GFRA2: variants seen among roughly 807,000 people sequenced by gnomAD.
GFRA2 encodes GDNF family receptor alpha 2.
A neutral mutation model predicts 48.3 loss-of-function variants in GFRA2; 17 were observed. That is an observed-to-expected ratio of 0.35 (90% confidence interval 0.24 to 0.53). The LOEUF (loss-of-function observed/expected upper bound fraction) is 0.53. GFRA2 is among the 20% of genes least tolerant of loss of function. GFRA2 has a pLI of 0.93. For missense variants in GFRA2, 660 were observed against 637.3 expected (o/e 1.04, Z -0.38); for synonymous variants, 305 against 257.2 (o/e 1.19, Z -1.78).
chr8:21,782,425 G>A (rs1209304394), intron 2 of GFRA2, among the ~76,000 whole-genome samples, 160 bp downstream of exon 2: 3 of 151,782 alleles, frequency 2.0e-5, no homozygotes, highest in Non-Finnish European at 4.4e-5. Context: ...TAGGTGGGGC[G>A]GCGACTTCTC....
intron 2 of GFRA2, 138 bp from the exon 3 acceptor site, chr8:21,775,193 C>T (rs1806635462): frequency 6.4e-6 from 4 of 625,128 alleles, no homozygotes; most frequent in East Asian, 2.6e-5. Flanking sequence ...GGCAGCCCTT[C>T]CCAAAGTGAA....
intron 3 of GFRA2, among the ~76,000 whole-genome samples, chr8:21,760,092 C>G (rs898124958): frequency 1.1e-4 from 17 of 152,042 alleles, no homozygotes; most frequent in African/African-American, 3.9e-4. Context: ...CGTTCCTAAT[C>G]AAAAGGAAGG....
intron 7 of GFRA2, among the ~76,000 whole-genome samples, chr8:21,701,576 G>A (rs1396850274): frequency 6.6e-6 from 1 of 152,122 alleles, no homozygotes; most frequent in East Asian, 1.9e-4. Context: ...GACTTAGTCT[G>A]TAGGCCTCCA....
intron 4 of GFRA2, among the ~76,000 whole-genome samples, chr8:21,708,515 C>CA (rs1184506116): frequency 6.6e-6 from 1 of 152,000 alleles, no homozygotes; most frequent in East Asian, 1.9e-4. Context: ...ACGTCCCCCA[C>CA]AAAAAAAGTT....
chr8:21,708,455 T>G lies in GFRA2; in HGVS notation c.795-2414A>C, dbSNP rs77759041. 4.2e-3 allele frequency among the ~76,000 whole-genome samples: 642 copies of G among 152,274 alleles called. 3 individuals carry two copies. Among genetic ancestry groups the G allele is most frequent in the African/African-American group, 0.015 (612 of 41,552 alleles). Reference sequence around the variant, plus strand: ...AGGTGGCTTGAGAGGGGACAGAGACTCTTAACAGGTAGATGGGATTTAGAG... The same window carrying G: ...AGGTGGCTTGAGAGGGGACAGAGACGCTTAACAGGTAGATGGGATTTAGAG... On this transcript the variant is annotated intron_variant, in intron 4 of 8. Transcript: ENST00000524240.
chr8:21,793,696 C>T (rs973587151), upstream of GFRA2, among the ~76,000 whole-genome samples: 2 of 152,084 alleles, frequency 1.3e-5, no homozygotes, highest in Non-Finnish European at 2.9e-5. Context: ...CAAACTCGGG[C>T]AGTCAGGATC....
At chr8:21,811,888 T>C (rs1014850166) in intron 1 of GFRA2, among the ~76,000 whole-genome samples, 3 of 152,198 alleles carry the variant, frequency 2.0e-5, no homozygotes, top group African/African-American at 7.2e-5. Context: ...TGAGTTACAA[T>C]TTACATAACT....
intron 4 of GFRA2, among the ~76,000 whole-genome samples, chr8:21,732,875 G>A (rs906720301): frequency 2.6e-5 from 4 of 152,194 alleles, no homozygotes; most frequent in Non-Finnish European, 5.9e-5. Context: ...CACTTCCAAG[G>A]CAGGGGAACC....
intron 4 of GFRA2, among the ~76,000 whole-genome samples, chr8:21,744,562 C>CACACAT (rs1245723329): frequency 6.1e-5 from 8 of 132,098 alleles, no homozygotes; most frequent in African/African-American, 2.1e-4. Flanking sequence ...CACACACACA[C>CACACAT]ACACACACAC....
intron 4 of GFRA2, among the ~76,000 whole-genome samples, chr8:21,736,347 G>A (rs932674063): frequency 5.9e-5 from 9 of 152,328 alleles, no homozygotes; most frequent in Admixed American, 4.6e-4. Context: ...CACATACTGT[G>A]TGACATCATT....
intron 7 of GFRA2, among the ~76,000 whole-genome samples, chr8:21,698,216 T>C (rs1369141177): frequency 6.6e-6 from 1 of 152,142 alleles, no homozygotes; most frequent in Admixed American, 6.5e-5. Flanking sequence ...TCCTCCACCA[T>C]GGAGGCAGCA....
intron 7 of GFRA2, among the ~76,000 whole-genome samples, chr8:21,698,304 G>A (rs533982156): frequency 1.3e-5 from 2 of 152,342 alleles, no homozygotes; most frequent in South Asian, 4.1e-4. Flanking sequence ...GGCCCTTGCA[G>A]ATGGCACTGG....
rs77757461 is a variant in GFRA2 at position 21,738,985 on chromosome 8, C to T, written c.794+11603G>A. Among the ~76,000 whole-genome samples, 1,232 of 152,280 alleles carry T rather than the reference C, an allele frequency of 8.1e-3. 14 individuals are homozygous for T. The highest frequency in any genetic ancestry group is 0.028 in the African/African-American group (1,163 of 41,546). On this transcript the variant is annotated intron_variant, in intron 4 of 8. Coordinates refer to ENST00000524240, the MANE Select transcript of GFRA2 (RefSeq NM_001495.5). ...TCCGTGCTGTGAAGAACATGCCCAG[C>T]TCCTGCAGCTGCTGAGTGAGCATCT...
intron 3 of GFRA2, among the ~76,000 whole-genome samples, chr8:21,753,250 G>A (rs1161043572): frequency 6.6e-6 from 1 of 152,122 alleles, no homozygotes; most frequent in East Asian, 1.9e-4. Context: ...AATGTGGCTG[G>A]GTCATTTCAC....
chr8:21,793,872 T>G (rs1156991691), upstream of GFRA2, among the ~76,000 whole-genome samples: 1 of 151,518 alleles, frequency 6.6e-6, no homozygotes, highest in African/African-American at 2.4e-5. Flanking sequence ...CAAAGTTTTT[T>G]TTTTTTTTTT....
intron 4 of GFRA2, among the ~76,000 whole-genome samples, chr8:21,749,184 T>C (rs1395134930): frequency 6.6e-6 from 1 of 150,424 alleles, no homozygotes; most frequent in Non-Finnish European, 1.5e-5. Flanking sequence ...GAGAATTATA[T>C]AGAGCCAAAC....
At chr8:21,694,438 CCAT>C (rs1263627105) in intron 8 of GFRA2, 23 bp downstream of exon 8, 2 of 1,607,184 alleles carry the variant, frequency 1.2e-6, no homozygotes, top group Admixed American at 3.4e-5. Flanking sequence ...CCTTCTGCAC[CCAT>C]CCCCACTCTG....
chr8:21,712,302 G>A (rs1261944468), intron 4 of GFRA2, among the ~76,000 whole-genome samples: 5 of 151,322 alleles, frequency 3.3e-5, no homozygotes, highest in Non-Finnish European at 5.9e-5. Flanking sequence ...GGGCGGCCGG[G>A]CAGAGATGCT....
chr8:21,784,282 G>C (rs904664758), intron 1 of GFRA2: 1 of 456,046 alleles, frequency 2.2e-6, no homozygotes, highest in South Asian at 1.5e-5. Flanking sequence ...CCCCTAACTC[G>C]AGATCCTGCC....
Sources: allele counts gnomAD v4.1 joint callset (sites outside exome capture counted in the v4.1 genomes callset), GRCh38; gene constraint gnomAD v4.1.1; transcripts MANE v1.5; gene names NCBI Gene and HGNC (gene_info 2026-07-23, HGNC 2026-07-21).